ALK: variants seen among roughly 807,000 people sequenced by gnomAD.
The protein encoded by ALK is ALK receptor tyrosine kinase, also known as ALK tyrosine kinase receptor.
ALK carries 74 observed loss-of-function variants against 163.1 expected under a neutral mutation model. The ratio of observed to expected loss-of-function variants is 0.45; its 90% CI spans 0.38 to 0.55. ALK has a LOEUF of 0.55. ALK is among the 20% of genes least tolerant of loss of function. ALK has a pLI of 0.00. For missense variants in ALK, 2,063 were observed against 2,105.3 expected (o/e 0.98, Z 0.39); for synonymous variants, 960 against 843.2 (o/e 1.14, Z -2.40).
At chr2:29,705,260 TATATATATATATATATATATAA>T (rs1389797117) in intron 2 of ALK, among the ~76,000 whole-genome samples, 3,188 of 55,918 alleles carry the variant, frequency 0.057, 221 homozygotes, top group Admixed American at 0.1. Context: ...TATATATATA[TATATATATATATATATATATAA>T]ATATATATCT....
intron 1 of ALK, among the ~76,000 whole-genome samples, chr2:29,849,163 C>T (rs1453853158): frequency 6.6e-6 from 1 of 152,216 alleles, no homozygotes; most frequent in African/African-American, 2.4e-5. Context: ...GCCCCTCCTC[C>T]TCAGAAAAGC....
intron 5 of ALK, among the ~76,000 whole-genome samples, chr2:29,351,035 G>A (rs1036450101): frequency 5.3e-5 from 8 of 152,114 alleles, no homozygotes; most frequent in African/African-American, 1.9e-4. Context: ...CAAATTAAAG[G>A]CTCTGAGAAA....
At chr2:29,393,049 C>T (rs376665793) in intron 4 of ALK, among the ~76,000 whole-genome samples, 10 of 76,258 alleles carry the variant, frequency 1.3e-4, no homozygotes, top group Admixed American at 1.1e-3. Context: ...TCACTGAATG[C>T]CCAAGGTTAC....
At chr2:29,540,595 A>ATTTT (rs766415504) in intron 3 of ALK, among the ~76,000 whole-genome samples, 30,428 of 143,896 alleles carry the variant, frequency 0.21, 3,548 homozygotes, top group South Asian at 0.34. Flanking sequence ...TTTTTTTTAA[A>ATTTT]AAAAAAAAAC....
chr2:29,318,007 T>C (rs149305052), intron 8 of ALK, among the ~76,000 whole-genome samples: 1 of 152,386 alleles, frequency 6.6e-6, no homozygotes, highest in African/African-American at 2.4e-5. Context: ...TTTGCAATCC[T>C]TGTCACTCTC....
chr2:29,635,814 C>T (rs1676506751), intron 3 of ALK, among the ~76,000 whole-genome samples: 1 of 150,888 alleles, frequency 6.6e-6, no homozygotes, highest in Non-Finnish European at 1.5e-5. Flanking sequence ...TTCTAGGGTA[C>T]ATGTGAGGGT....
intron 11 of ALK, among the ~76,000 whole-genome samples, chr2:29,271,507 C>A (rs1305041369): frequency 6.6e-6 from 1 of 152,168 alleles, no homozygotes; most frequent in African/African-American, 2.4e-5. Context: ...CGCCCTTCAA[C>A]CCTTGGAATC....
chr2:29,706,813 C>A (rs1326459385), intron 2 of ALK, among the ~76,000 whole-genome samples: 1 of 152,168 alleles, frequency 6.6e-6, no homozygotes, highest in Non-Finnish European at 1.5e-5. Flanking sequence ...AGCTCAGCTT[C>A]TTCATTTTAT....
At chr2:29,617,920 A>C (rs1675902125) in intron 3 of ALK, among the ~76,000 whole-genome samples, 1 of 152,184 alleles carries the variant, frequency 6.6e-6, no homozygotes, top group Non-Finnish European at 1.5e-5. Flanking sequence ...AAGGCAGCAC[A>C]CCCATAGTCC....
chr2:29,253,909 G>A (rs1664889465), intron 11 of ALK, among the ~76,000 whole-genome samples: 1 of 151,888 alleles, frequency 6.6e-6, no homozygotes, highest in South Asian at 2.1e-4. Context: ...GATAGCTGTG[G>A]TTTGGCTGTG....
intron 5 of ALK, among the ~76,000 whole-genome samples, chr2:29,362,329 A>G (rs1668406166): frequency 6.6e-6 from 1 of 152,186 alleles, no homozygotes; most frequent in Non-Finnish European, 1.5e-5. Flanking sequence ...GCAACTCACA[A>G]TCTGGCACAT....
At chr2:29,646,251 C>G (rs1174325204) in intron 3 of ALK, among the ~76,000 whole-genome samples, 1 of 152,198 alleles carries the variant, frequency 6.6e-6, no homozygotes, top group Non-Finnish European at 1.5e-5. Flanking sequence ...CTTGTTTCCT[C>G]TCTTTCTCTC....
At chr2:29,830,714 A>T (rs1430449140) in intron 1 of ALK, among the ~76,000 whole-genome samples, 5 of 4,548 alleles carry the variant, frequency 1.1e-3, no homozygotes, top group Non-Finnish European at 2.6e-3. Flanking sequence ...AAAATAGTTT[A>T]AAAAAAAAAA....
chr2:29,307,168 T>C (rs868155699), intron 8 of ALK, among the ~76,000 whole-genome samples: 5 of 152,198 alleles, frequency 3.3e-5, no homozygotes, highest in Admixed American at 1.3e-4. Flanking sequence ...TTCAGGACAA[T>C]CCCTTCAACC....
chr2:29,582,860 C>CT (rs11406173), intron 3 of ALK, among the ~76,000 whole-genome samples: 21,294 of 137,672 alleles, frequency 0.15, 2,009 homozygotes, highest in East Asian at 0.34. Context: ...CCCAGCACTC[C>CT]TTTTTTTTTT....
intron 1 of ALK, among the ~76,000 whole-genome samples, chr2:29,918,522 G>A (rs1459725030): frequency 6.6e-6 from 1 of 152,066 alleles, no homozygotes; most frequent in Admixed American, 6.6e-5. Context: ...CTCTTAGGAT[G>A]GTCTATATAA....
At chr2:29,458,527 C>A (rs1037836204) in intron 4 of ALK, among the ~76,000 whole-genome samples, 6 of 152,128 alleles carry the variant, frequency 3.9e-5, no homozygotes, top group African/African-American at 1.4e-4. Context: ...GATACTGCAT[C>A]AATCTTGCAA....
At chr2:29,205,696 G>C (rs1284275857) in intron 26 of ALK, among the ~76,000 whole-genome samples, 1 of 152,022 alleles carries the variant, frequency 6.6e-6, no homozygotes, top group Admixed American at 6.5e-5. Context: ...GAAATCTCCT[G>C]GTCCTTCTCT....
At chr2:29,776,473 C>G (rs1368280054) in intron 1 of ALK, among the ~76,000 whole-genome samples, 1 of 141,364 alleles carries the variant, frequency 7.1e-6, no homozygotes, top group African/African-American at 2.5e-5. Flanking sequence ...CTGATCCACT[C>G]TGACCTCCTG....
Sources: gnomAD v4.1 joint callset for allele counts (sites outside exome capture counted in the v4.1 genomes callset) on GRCh38, gnomAD v4.1.1 for gene constraint, MANE v1.5 for transcripts, NCBI Gene and HGNC (gene_info 2026-07-23, HGNC 2026-07-21) for gene names.